Variants in TLE6 observed in about 807,000 individuals in gnomAD.
TLE6 encodes transducin-like enhancer protein 6.
TLE6 carries 72 observed loss-of-function variants against 77.1 expected under a neutral mutation model. That is an observed-to-expected ratio of 0.93 (90% confidence interval 0.77 to 1.14). The LOEUF is 1.14. TLE6 is among the 50% of genes most tolerant of loss of function. The pLI, the probability that TLE6 is intolerant of heterozygous loss-of-function variation, is 0.00. For missense variants in TLE6, 843 were observed against 747.6 expected (o/e 1.13, Z -1.49); for synonymous variants, 366 against 287.3 (o/e 1.27, Z -2.77).
chr19:2,992,297 A>AC (rs1483942064), intron 14 of TLE6, among the ~76,000 whole-genome samples: 4 of 152,078 alleles, frequency 2.6e-5, no homozygotes, highest in Non-Finnish European at 4.4e-5. Context: ...ACATGGTGAA[A>AC]CCCCGTCTCT....
Position 2,982,189 on chromosome 19 carries a change from G to C in TLE6, c.222G>C (p.Gln74His). 1 of 1,551,410 alleles carries C rather than the reference G, an allele frequency of 6.4e-7. No individual in the cohort carries two copies. Residue 74 changes from glutamine (Q) to histidine (H), a missense_variant and splice_region_variant, in exon 5 of 17, where the codon CAG (glutamine) becomes CAC (histidine). Physicochemically the swap from Gln to His is conservative, Grantham distance 24. Transcript: ENST00000246112. ...IQQDVAEHHK[Q>H]IGNVLQIVES... Reference sequence around the variant, plus strand: ...AGGATGTGGCAGAACATCACAAGCAGGTGGGTGACCAGGAGCTCAGGGGTG... The same window carrying C: ...AGGATGTGGCAGAACATCACAAGCACGTGGGTGACCAGGAGCTCAGGGGTG...
chr19:2,977,935 T>C (rs1165404359), intron 1 of TLE6, among the ~76,000 whole-genome samples: 2 of 152,042 alleles, frequency 1.3e-5, no homozygotes, highest in Non-Finnish European at 2.9e-5. Context: ...AGGGAGTGTA[T>C]GTGCACTATC....
At chr19:2,988,057 G>A (rs780473048) in intron 10 of TLE6, 34 bp from the exon 11 acceptor site, 1 of 1,556,730 alleles carries the variant, frequency 6.4e-7, no homozygotes, top group Non-Finnish European at 8.7e-7. Context: ...TGTGCGGGGA[G>A]GCTGGGGGCA....
rs191212359 is a variant in TLE6 at position 2,988,975 on chromosome 19, A to T, written c.741-86A>T. The T allele has an allele frequency of 4.5e-6, 7 of 1,545,718 alleles. No homozygotes were observed. In the African/African-American group the frequency reaches 9.7e-5, roughly 21 times the overall value. On this transcript the variant is annotated intron_variant, in intron 11 of 16. Coordinates refer to ENST00000246112, the MANE Select transcript of TLE6 (RefSeq NM_001143986.2). ...AGAGGGACCCCAAAATCTGAAAAAG[A>T]AGCCCCTCTAGGCCTTGATGTGTGG... is the stretch of plus-strand genomic sequence containing the variant.
At chr19:2,983,438 G>A (rs1281175391) in intron 5 of TLE6, among the ~76,000 whole-genome samples, 5 of 152,124 alleles carry the variant, frequency 3.3e-5, no homozygotes, top group African/African-American at 4.8e-5. Flanking sequence ...GAAGGCATGC[G>A]AGAAGGTGAC....
intron 3 of TLE6, 154 bp downstream of exon 3, chr19:2,980,336 G>A (rs377544004): frequency 1.4e-5 from 7 of 508,562 alleles, no homozygotes; most frequent in Middle Eastern, 5.3e-4. Flanking sequence ...TGGAGAACCC[G>A]GCAATACCCA....
At chr19:2,993,652 C>G in intron 15 of TLE6, 70 bp downstream of exon 15, 10 of 1,494,364 alleles carry the variant, frequency 6.7e-6, no homozygotes, top group Non-Finnish European at 9.0e-6. Flanking sequence ...CCACCTAATG[C>G]CAGCTCCCCA....
At position 2,991,979 on chromosome 19, in the gene TLE6, T is replaced by A; in HGVS notation, c.1381T>A (p.Ser461Thr). ...IMKPLEYQFK[S>T]QIMSLSHSPQ... ...GAAACCTCTGGAGTACCAATTCAAGTCTCAGGTGCGGAGGCCGGGATGGGG... is the reference window on the plus strand; with the variant it reads ...GAAACCTCTGGAGTACCAATTCAAGACTCAGGTGCGGAGGCCGGGATGGGG... The change falls in exon 14 of 17, where the codon TCT becomes ACT. Residue 461 changes from serine (S) to threonine (T), a missense_variant. Coordinates refer to ENST00000246112, the MANE Select transcript of TLE6 (RefSeq NM_001143986.2). The A allele has an allele frequency of 6.2e-7, 1 of 1,613,384 alleles. No homozygotes were observed. Among genetic ancestry groups the A allele is most frequent in the East Asian group, 2.2e-5 (1 of 44,858 alleles).
chr19:2,995,045 A>G lies in TLE6; in HGVS notation c.*41A>G. 8.5e-7 allele frequency: 1 copy of G among 1,170,356 alleles called. No individual in the cohort carries two copies. 72.5% of individuals were successfully genotyped at this position (1,170,356 alleles called of 1,614,324 possible). A position where few individuals can be genotyped will look rare whatever the true frequency, so the allele number is the denominator to read the frequency against. On this transcript the variant is annotated 3_prime_UTR_variant, in exon 17 of 17. Transcript: ENST00000246112. ...TCATCCCACTCCGGCTCCTCTTTTCATCCCCCCCCTTCCCCCCCCCCAACA... is the reference window on the plus strand; with the variant it reads ...TCATCCCACTCCGGCTCCTCTTTTCGTCCCCCCCCTTCCCCCCCCCCAACA...
chr19:2,994,333 G>A (rs977105086), intron 16 of TLE6, among the ~76,000 whole-genome samples: 16 of 152,044 alleles, frequency 1.1e-4, no homozygotes, highest in Admixed American at 3.9e-4. Flanking sequence ...TAGCTGAGCC[G>A]GGTGCGGTGG....
chr19:2,994,274 G>A (rs917671688), intron 16 of TLE6, among the ~76,000 whole-genome samples, 179 bp downstream of exon 16: 10 of 152,056 alleles, frequency 6.6e-5, no homozygotes, highest in African/African-American at 2.2e-4. Flanking sequence ...GTAGGAGTTC[G>A]AGACCAGCCT....
chr19:2,990,368 C>T (rs1055447147), intron 13 of TLE6, among the ~76,000 whole-genome samples: 74 of 151,348 alleles, frequency 4.9e-4, no homozygotes, highest in African/African-American at 1.6e-3. Context: ...TTAGGGAGGC[C>T]GAGGCAGGCA....
chr19:2,980,961 G>A (rs550795349), intron 3 of TLE6, among the ~76,000 whole-genome samples: 70 of 152,048 alleles, frequency 4.6e-4, no homozygotes, highest in African/African-American at 1.7e-3. Context: ...TGAGGCAGGA[G>A]GATCATCTGA....
upstream of TLE6, chr19:2,977,466 A>C (rs899593823): frequency 1.4e-5 from 2 of 141,342 alleles, no homozygotes; most frequent in African/African-American, 5.1e-5. Context: ...TTCGCGGTCC[A>C]GGTGGCGGCT....
chr19:2,988,215 G>GTC, intron 11 of TLE6, 87 bp downstream of exon 11: 1 of 1,330,336 alleles, frequency 7.5e-7, no homozygotes, highest in Non-Finnish European at 1.0e-6. Flanking sequence ...GACACATAGA[G>GTC]GGGAACAGAG....
intron 14 of TLE6, among the ~76,000 whole-genome samples, 153 bp from the exon 15 acceptor site, chr19:2,993,279 G>C (rs572695972): frequency 1.4e-4 from 22 of 152,328 alleles, no homozygotes; most frequent in African/African-American, 5.3e-4. Context: ...CCAACAAACT[G>C]AGGCACAGAT....
intron 3 of TLE6, 74 bp downstream of exon 3, chr19:2,980,256 A>G: frequency 7.6e-7 from 1 of 1,320,092 alleles, no homozygotes; most frequent in Non-Finnish European, 1.1e-6. Flanking sequence ...CGGGGGTCCT[A>G]GTGAGTGGTC....
chr19:2,987,786 C>T lies in TLE6; in HGVS notation c.621C>T (p.Ala207=), dbSNP rs1477618123. The T allele has an allele frequency of 2.6e-5, 42 of 1,614,048 alleles. No homozygotes were observed. The highest frequency in any genetic ancestry group is 3.6e-5 in the Non-Finnish European group (42 of 1,180,030). The change falls in exon 9 of 17, where the codon GCC becomes GCT. Residue 207 remains alanine (A), a synonymous_variant. Transcript: ENST00000246112. ...GAACAGACCCATGTCCTGAAGATGCCTCCAGTAATCCCAGCGGGCAGGGGC... is the reference window on the plus strand; with the variant it reads ...GAACAGACCCATGTCCTGAAGATGCTTCCAGTAATCCCAGCGGGCAGGGGC... ...DPGTDPCPED[A]STPRPPEASS... is the part of the protein sequence containing the mutation.
chr19:2,980,137 C>G lies in TLE6; in HGVS notation c.89C>G (p.Thr30Arg). 6.5e-7 allele frequency: 1 copy of G among 1,550,172 alleles called. No homozygotes were observed. Among genetic ancestry groups the G allele is most frequent in the Non-Finnish European group, 8.7e-7 (1 of 1,146,024 alleles). Residue 30 changes from threonine to arginine, a missense_variant, in exon 3 of 17, where the codon ACG becomes AGG. Coordinates refer to ENST00000246112, the MANE Select transcript of TLE6 (RefSeq NM_001143986.2). ...PGISNSESSP[T>R]LNYQGILNRL... The stretch of plus-strand genomic sequence containing the variant: ...ATCTCGAACTCTGAGAGCTCTCCGA[C>G]GCTGAATTATCAGGGCATTCTAAAT...
Sources: gnomAD v4.1 joint callset for allele counts (sites outside exome capture counted in the v4.1 genomes callset) on GRCh38, gnomAD v4.1.1 for gene constraint, MANE v1.5 for transcripts, NCBI Gene and HGNC (gene_info 2026-07-23, HGNC 2026-07-21) for gene names.